LTBP1: variants seen among roughly 807,000 people sequenced by gnomAD.
The protein encoded by LTBP1 is latent-transforming growth factor beta-binding protein 1.
A neutral mutation model predicts 207.6 loss-of-function variants in LTBP1; 129 were observed. The observed-to-expected ratio is 0.62, with a 90% CI of 0.54 to 0.72. The LOEUF (loss-of-function observed/expected upper bound fraction) is 0.72. LTBP1 is among the 30% of genes least tolerant of loss of function. The probability of loss-of-function intolerance (pLI) is 0.00; values close to 1 mark genes in which losing one functional copy is unlikely to be tolerated. For missense variants in LTBP1, 2,281 were observed against 2,217.2 expected (o/e 1.03, Z -0.58); for synonymous variants, 963 against 833.7 (o/e 1.16, Z -2.67).
chr2:33,036,589 C>G (rs1203774059), intron 3 of LTBP1, among the ~76,000 whole-genome samples: 2 of 152,100 alleles, frequency 1.3e-5, no homozygotes, highest in Non-Finnish European at 2.9e-5. Context: ...TCCCAAGTAG[C>G]TGGGATTACA....
At chr2:33,014,302 A>G (rs1221633132) in intron 2 of LTBP1, among the ~76,000 whole-genome samples, 1 of 152,156 alleles carries the variant, frequency 6.6e-6, no homozygotes, top group Non-Finnish European at 1.5e-5. Flanking sequence ...AGGCTAACCC[A>G]GAGACATTTA....
intron 2 of LTBP1, among the ~76,000 whole-genome samples, chr2:32,965,440 A>T (rs1038730436): frequency 4.6e-5 from 7 of 152,188 alleles, no homozygotes; most frequent in Non-Finnish European, 8.8e-5. Context: ...CATAGAGAAT[A>T]GTTTCACTGC....
At chr2:33,195,126 A>G (rs2088398547) in intron 7 of LTBP1, among the ~76,000 whole-genome samples, 2 of 152,218 alleles carry the variant, frequency 1.3e-5, no homozygotes, top group Admixed American at 1.3e-4. Context: ...GCTCTAATGG[A>G]GATGTACAAA....
chr2:33,030,320 C>T (rs1008883233), intron 3 of LTBP1, among the ~76,000 whole-genome samples: 3 of 152,184 alleles, frequency 2.0e-5, no homozygotes, highest in African/African-American at 7.2e-5. Context: ...TCTCCCAATT[C>T]CCATTCCTTA....
intron 5 of LTBP1, among the ~76,000 whole-genome samples, chr2:33,175,845 G>A (rs1057285377): frequency 6.7e-6 from 1 of 148,728 alleles, no homozygotes. Context: ...ATGAGTTCAT[G>A]TCCTTTGTAG....
chr2:33,047,941 G>A (rs2076528947), intron 3 of LTBP1, among the ~76,000 whole-genome samples: 1 of 152,038 alleles, frequency 6.6e-6, no homozygotes, highest in African/African-American at 2.4e-5. Context: ...TGCAACCTCT[G>A]CTTTTTTTTT....
chr2:32,981,346 G>A (rs1682735479), intron 2 of LTBP1, among the ~76,000 whole-genome samples: 1 of 152,172 alleles, frequency 6.6e-6, no homozygotes, highest in Non-Finnish European at 1.5e-5. Flanking sequence ...TGGTTCCCAT[G>A]AAGGTTTCTG....
intron 5 of LTBP1, among the ~76,000 whole-genome samples, chr2:33,145,090 A>T (rs1371300607): frequency 6.6e-6 from 1 of 152,194 alleles, no homozygotes; most frequent in Non-Finnish European, 1.5e-5. Context: ...TGCCAATTTA[A>T]TGTGATACTG....
intron 3 of LTBP1, among the ~76,000 whole-genome samples, chr2:33,043,100 C>T (rs191315075): frequency 6.6e-6 from 1 of 152,352 alleles, no homozygotes; most frequent in African/African-American, 2.4e-5. Flanking sequence ...CTGTGAACCG[C>T]TGTTCTAGAG....
Position 33,060,803 on chromosome 2 carries a change from A to G in LTBP1, c.863+39597A>G, listed in dbSNP as rs557620710. Among the ~76,000 whole-genome samples the G allele has an allele frequency of 4.6e-5, 7 of 152,292 alleles. No homozygotes were observed. In the South Asian group the frequency reaches 1.5e-3, roughly 32 times the overall value. Reference sequence around the variant, plus strand: ...AGGGCCACTGGTTTTCAAACAAAAAATAGTACAAGGTTTATGTTTTTAAAA... The same window carrying G: ...AGGGCCACTGGTTTTCAAACAAAAAGTAGTACAAGGTTTATGTTTTTAAAA... On this transcript the variant is annotated intron_variant, in intron 3 of 33. Coordinates refer to ENST00000404816, the MANE Select transcript of LTBP1 (RefSeq NM_206943.4).
Position 33,060,735 on chromosome 2 carries a change from G to A in LTBP1, c.863+39529G>A, listed in dbSNP as rs187740180. Among the ~76,000 whole-genome samples, 334 of 151,808 alleles carry A rather than the reference G, an allele frequency of 2.2e-3. 2 individuals are homozygous for A. The highest frequency in any genetic ancestry group is 7.7e-3 in the African/African-American group (318 of 41,432). Reference sequence around the variant, plus strand: ...GGTCTTTAATAGCAAAGTGACCAGAGCATGAATTATTTTCTTATTCAAAGA... The same window carrying A: ...GGTCTTTAATAGCAAAGTGACCAGAACATGAATTATTTTCTTATTCAAAGA... On this transcript the variant is annotated intron_variant, in intron 3 of 33. Coordinates refer to ENST00000404816, the MANE Select transcript of LTBP1 (RefSeq NM_206943.4).
chr2:33,079,432 C>T (rs747189785), intron 3 of LTBP1, among the ~76,000 whole-genome samples: 12 of 152,110 alleles, frequency 7.9e-5, no homozygotes, highest in Admixed American at 7.9e-4. Flanking sequence ...TCAAACTGAT[C>T]ATAGAGCTTA....
At chr2:33,300,269 T>C (rs2093960601) in intron 20 of LTBP1, among the ~76,000 whole-genome samples, 182 bp from the exon 21 acceptor site, 1 of 152,220 alleles carries the variant, frequency 6.6e-6, no homozygotes, top group African/African-American at 2.4e-5. Flanking sequence ...TTCTATTCTA[T>C]AGATCAGTAT....
At position 33,098,659 on chromosome 2, in the gene LTBP1, G is replaced by A. The variant is rs184505016; in HGVS notation, c.864-11923G>A. On this transcript the variant is annotated intron_variant, in intron 3 of 33. Transcript: ENST00000404816. ...TTCACCTGTTGGCCAGGCTGGTCTC[G>A]AACTCCTGACCTCAGGTAATCCGCC... is the stretch of plus-strand genomic sequence containing the variant. 1.2e-3 allele frequency among the ~76,000 whole-genome samples: 176 copies of A among 151,926 alleles called. 1 individual carries two copies. The highest frequency in any genetic ancestry group is 2.1e-3 in the Non-Finnish European group (143 of 67,950).
At chr2:33,191,398 T>C (rs2087859186) in intron 7 of LTBP1, among the ~76,000 whole-genome samples, 1 of 152,214 alleles carries the variant, frequency 6.6e-6, no homozygotes, top group South Asian at 2.1e-4. Context: ...TGATCTCAAT[T>C]CTTAATTCAT....
intron 3 of LTBP1, among the ~76,000 whole-genome samples, chr2:33,097,590 TC>T (rs1032231659): frequency 1.3e-5 from 2 of 152,346 alleles, no homozygotes; most frequent in South Asian, 2.1e-4. Context: ...TTTTAGCTTT[TC>T]CCACTTTATA....
rs563722972 is a variant in LTBP1 at position 33,294,921 on chromosome 2, G to A, written c.3235+1639G>A. 1.2e-3 allele frequency among the ~76,000 whole-genome samples: 188 copies of A among 151,464 alleles called. 4 individuals carry two copies. In the Middle Eastern group the frequency reaches 0.014, roughly 11 times the overall value. ...TACTATTTGGTTTTTTTTTTAATTGGCATGTAATAATTGTCCATATTGTAC... is the reference window on the plus strand; with the variant it reads ...TACTATTTGGTTTTTTTTTTAATTGACATGTAATAATTGTCCATATTGTAC... On this transcript the variant is annotated intron_variant, in intron 20 of 33. Coordinates refer to ENST00000404816, the MANE Select transcript of LTBP1 (RefSeq NM_206943.4).
At chr2:33,236,073 G>C (rs1159799289) in intron 9 of LTBP1, among the ~76,000 whole-genome samples, 6 of 152,066 alleles carry the variant, frequency 3.9e-5, no homozygotes, top group Admixed American at 2.0e-4. Flanking sequence ...ATGAAACTTA[G>C]AATATATTGT....
At chr2:33,093,088 G>A (rs762357928) in intron 3 of LTBP1, among the ~76,000 whole-genome samples, 1 of 152,144 alleles carries the variant, frequency 6.6e-6, no homozygotes, top group Non-Finnish European at 1.5e-5. Context: ...AGACCATGTG[G>A]CACCCACACG....
Sources: gnomAD v4.1 joint callset for allele counts (sites outside exome capture counted in the v4.1 genomes callset) on GRCh38, gnomAD v4.1.1 for gene constraint, MANE v1.5 for transcripts, NCBI Gene and HGNC (gene_info 2026-07-23, HGNC 2026-07-21) for gene names.